Variants in PTPRD observed in about 807,000 individuals in gnomAD.
PTPRD encodes receptor-type tyrosine-protein phosphatase delta.
Under a neutral mutation model 214.5 loss-of-function variants are expected in PTPRD, and 34 were observed. The observed-to-expected ratio is 0.16, with a 90% CI of 0.12 to 0.21. The LOEUF (loss-of-function observed/expected upper bound fraction) is 0.21, where lower values mean the gene tolerates loss of function less well. PTPRD is among the 10% of genes least tolerant of loss of function. The pLI, the probability that PTPRD is intolerant of heterozygous loss-of-function variation, is 1.00. For synonymous variants in PTPRD, 1,128 were observed against 845.7 expected, an observed-to-expected ratio of 1.33 and a Z score of -5.79; for missense variants, 2,545 against 2,398.7, an observed-to-expected ratio of 1.06 and a Z score of -1.27.
At chr9:9,056,455 A>T (rs923207736) in intron 10 of PTPRD, among the ~76,000 whole-genome samples, 5 of 152,186 alleles carry the variant, frequency 3.3e-5, no homozygotes, top group Non-Finnish European at 7.3e-5. Context: ...TGACCACCTA[A>T]CCTGCAGTTT....
intron 5 of PTPRD, among the ~76,000 whole-genome samples, chr9:9,918,680 C>G (rs1358636035): frequency 6.6e-6 from 1 of 151,918 alleles, no homozygotes; most frequent in African/African-American, 2.4e-5. Flanking sequence ...AACTGTAAAA[C>G]AGCATAACAC....
At chr9:10,513,872 A>G (rs2049111818) in intron 2 of PTPRD, among the ~76,000 whole-genome samples, 3 of 152,176 alleles carry the variant, frequency 2.0e-5, no homozygotes, top group Admixed American at 1.3e-4. Flanking sequence ...CCTGACTGAA[A>G]AATGAGCAAG....
chr9:9,453,194 A>G (rs955800997), intron 8 of PTPRD, among the ~76,000 whole-genome samples: 17 of 151,532 alleles, frequency 1.1e-4, no homozygotes, highest in Admixed American at 7.3e-4. Context: ...TATGCCGGAC[A>G]TATTTGTTAG....
intron 35 of PTPRD, among the ~76,000 whole-genome samples, chr9:8,427,483 G>C (rs1465386245): frequency 2.0e-5 from 3 of 151,886 alleles, no homozygotes; most frequent in Non-Finnish European, 4.4e-5. Context: ...TGTGCCGAGC[G>C]GTGAGCTTGT....
At chr9:10,205,470 AT>A (rs1360422016) in intron 3 of PTPRD, among the ~76,000 whole-genome samples, 2 of 151,702 alleles carry the variant, frequency 1.3e-5, no homozygotes, top group African/African-American at 4.8e-5. Flanking sequence ...CAGTGGCCTG[AT>A]CTTGGCTCAC....
chr9:10,225,498 G>A (rs147857566), intron 3 of PTPRD, among the ~76,000 whole-genome samples: 2 of 152,040 alleles, frequency 1.3e-5, no homozygotes, highest in African/African-American at 4.8e-5. Context: ...AGGATGAAAA[G>A]TTGGCACTGC....
intron 12 of PTPRD, among the ~76,000 whole-genome samples, chr9:8,695,281 C>G (rs1373064263): frequency 6.6e-6 from 1 of 152,166 alleles, no homozygotes; most frequent in African/African-American, 2.4e-5. Flanking sequence ...AATTTTCATT[C>G]ACCAGGATTG....
intron 3 of PTPRD, among the ~76,000 whole-genome samples, chr9:10,170,296 C>G (rs557722969): frequency 6.6e-6 from 1 of 152,092 alleles, no homozygotes; most frequent in Non-Finnish European, 1.5e-5. Context: ...CTGGCAAGGT[C>G]CCTTCTGATG....
intron 34 of PTPRD, among the ~76,000 whole-genome samples, chr9:8,445,065 C>T (rs1479944051): frequency 6.6e-6 from 1 of 152,114 alleles, no homozygotes; most frequent in Non-Finnish European, 1.5e-5. Flanking sequence ...TCCTCTACTA[C>T]GTCACCTCTC....
At chr9:8,694,936 T>C (rs553682507) in intron 12 of PTPRD, among the ~76,000 whole-genome samples, 16 of 152,240 alleles carry the variant, frequency 1.1e-4, no homozygotes, top group Non-Finnish European at 1.8e-4. Context: ...CAAAATATTT[T>C]GGGCTATAGA....
At chr9:8,584,666 C>A (rs117106086) in intron 14 of PTPRD, among the ~76,000 whole-genome samples, 1 of 152,260 alleles carries the variant, frequency 6.6e-6, no homozygotes, top group Non-Finnish European at 1.5e-5. Context: ...TCTACCCCAG[C>A]ATTTCCTAAT....
chr9:10,418,439 TC>T (rs2098514499), intron 2 of PTPRD, among the ~76,000 whole-genome samples: 1 of 126,120 alleles, frequency 7.9e-6, no homozygotes, highest in Non-Finnish European at 1.6e-5. Context: ...AATGAAGCCT[TC>T]CCCTCTACAC....
chr9:8,829,431 G>A (rs942971390), intron 11 of PTPRD, among the ~76,000 whole-genome samples: 4 of 152,122 alleles, frequency 2.6e-5, no homozygotes, highest in Non-Finnish European at 4.4e-5. Context: ...TACTGTTCTC[G>A]AGATTTATCA....
rs1227187592 is a variant in PTPRD, at chr9:9,371,071, C to CT, written c.-203+26377dup. ...TCATTAAGGATATTGGTCTAAAATT[C>CT]TCTTTTTTTGTTTTTTTCTCTGCCA... On this transcript the variant is annotated intron_variant, in intron 9 of 45. Transcript: ENST00000381196. Among the ~76,000 whole-genome samples, 12 of 140,166 alleles carry CT rather than the reference C, an allele frequency of 8.6e-5. No homozygotes were observed. In the South Asian group the frequency reaches 2.6e-3, roughly 30 times the overall value. The allele number at this position is 140,166 out of a possible 152,430, so 92.0% of individuals were successfully genotyped here.
intron 12 of PTPRD, among the ~76,000 whole-genome samples, chr9:8,682,875 T>C (rs1188994793): frequency 1.3e-5 from 2 of 152,060 alleles, no homozygotes; most frequent in Admixed American, 6.6e-5. Flanking sequence ...TTCTGAGTTG[T>C]TGTTTATTTT....
At chr9:10,022,698 T>G (rs533792661) in intron 4 of PTPRD, among the ~76,000 whole-genome samples, 1 of 152,304 alleles carries the variant, frequency 6.6e-6, no homozygotes, top group East Asian at 1.9e-4. Flanking sequence ...TTTATGTAGA[T>G]TGGGTAGCAG....
intron 9 of PTPRD, among the ~76,000 whole-genome samples, chr9:9,287,096 G>C (rs1046284268): frequency 6.7e-6 from 1 of 150,370 alleles, no homozygotes; most frequent in Non-Finnish European, 1.5e-5. Context: ...GTAGTTGTGT[G>C]GACCTGAAGT....
chr9:10,407,060 T>G (rs187563304), intron 2 of PTPRD, among the ~76,000 whole-genome samples: 2 of 151,498 alleles, frequency 1.3e-5, no homozygotes, highest in African/African-American at 4.8e-5. Flanking sequence ...TACAAACCCA[T>G]CAAATAAATA....
chr9:10,505,636 C>A (rs924120773), intron 2 of PTPRD, among the ~76,000 whole-genome samples: 1 of 151,914 alleles, frequency 6.6e-6, no homozygotes, highest in Admixed American at 6.6e-5. Flanking sequence ...CAAGCATGCT[C>A]CAAAGCCACA....
Sources: gnomAD v4.1 joint callset for allele counts (sites outside exome capture counted in the v4.1 genomes callset) on GRCh38, gnomAD v4.1.1 for gene constraint, MANE v1.5 for transcripts, NCBI Gene and HGNC (gene_info 2026-07-23, HGNC 2026-07-21) for gene names.